The following SLC24A3 variants were observed in gnomAD, a reference collection of about 807,000 sequenced individuals.
SLC24A3 encodes sodium/potassium/calcium exchanger 3.
Under a neutral mutation model 75.8 loss-of-function variants are expected in SLC24A3, and 28 were observed. That is an observed-to-expected ratio of 0.37 (90% CI 0.27 to 0.51). The LOEUF is 0.51. SLC24A3 is among the 20% of genes least tolerant of loss of function. The pLI, the probability that SLC24A3 is intolerant of heterozygous loss-of-function variation, is 0.94. For missense variants in SLC24A3, 663 were observed against 847.8 expected (o/e 0.78, Z 2.71); for synonymous variants, 372 against 334.1 (o/e 1.11, Z -1.24).
intron 2 of SLC24A3, among the ~76,000 whole-genome samples, chr20:19,427,643 G>A (rs1047046428): frequency 1.3e-5 from 2 of 152,150 alleles, no homozygotes; most frequent in African/African-American, 2.4e-5. Context: ...TCCCACTGCC[G>A]TGCCTCTGCC....
chr20:19,362,246 A>G (rs1415206811), intron 2 of SLC24A3, among the ~76,000 whole-genome samples: 1 of 152,232 alleles, frequency 6.6e-6, no homozygotes, highest in East Asian at 1.9e-4. Flanking sequence ...GGGTGATCCC[A>G]TCAGCTTACC....
chr20:19,384,025 T>C (rs1169072275), intron 2 of SLC24A3, among the ~76,000 whole-genome samples: 3 of 152,198 alleles, frequency 2.0e-5, no homozygotes, highest in African/African-American at 7.2e-5. Context: ...TAACTTTATT[T>C]CTCTAGCTTT....
chr20:19,610,738 C>A (rs2031661143), intron 6 of SLC24A3, among the ~76,000 whole-genome samples: 1 of 152,198 alleles, frequency 6.6e-6, no homozygotes, highest in East Asian at 1.9e-4. Context: ...TGATGGGGTA[C>A]ACATACTTCA....
At chr20:19,380,218 C>T (rs937151221) in intron 2 of SLC24A3, among the ~76,000 whole-genome samples, 1 of 152,052 alleles carries the variant, frequency 6.6e-6, no homozygotes, top group Non-Finnish European at 1.5e-5. Flanking sequence ...CTACAGGAAG[C>T]GTATTGACCA....
intron 2 of SLC24A3, among the ~76,000 whole-genome samples, chr20:19,495,123 G>A (rs565282219): frequency 5.6e-4 from 85 of 152,286 alleles, no homozygotes; most frequent in African/African-American, 2.0e-3. Flanking sequence ...TTGGAGTGAG[G>A]ACTTAATCTT....
intron 3 of SLC24A3, among the ~76,000 whole-genome samples, chr20:19,559,340 T>C (rs1293025649): frequency 6.6e-6 from 1 of 152,230 alleles, no homozygotes; most frequent in African/African-American, 2.4e-5. Context: ...ACGTATTCTT[T>C]ATACATATTG....
intron 15 of SLC24A3, among the ~76,000 whole-genome samples, chr20:19,702,424 TAA>T (rs2032884661): frequency 6.6e-6 from 1 of 152,128 alleles, no homozygotes. Context: ...AGGGCCACAT[TAA>T]GTCTTGAAAT....
Position 19,588,103 on chromosome 20 carries a change from C to T in SLC24A3, c.612+2559C>T, listed in dbSNP as rs145235394. Among the ~76,000 whole-genome samples the T allele has an allele frequency of 2.5e-3, 388 of 152,254 alleles. 2 individuals carry two copies. The highest frequency in any genetic ancestry group is 8.8e-3 in the African/African-American group (367 of 41,538). ...AAGGAGATGTTCGTAGAAAAACAGT[C>T]TCAAAGGACTAGTACTTACTTCTGT... On this transcript the variant is annotated intron_variant, in intron 6 of 16. Coordinates refer to ENST00000328041, the MANE Select transcript of SLC24A3 (RefSeq NM_020689.4).
intron 3 of SLC24A3, among the ~76,000 whole-genome samples, chr20:19,559,965 G>A (rs1047503492): frequency 6.6e-6 from 1 of 152,024 alleles, no homozygotes; most frequent in Non-Finnish European, 1.5e-5. Context: ...AATTTCCGTG[G>A]TGTAAATACT....
intron 6 of SLC24A3, among the ~76,000 whole-genome samples, chr20:19,588,363 C>G (rs991072414): frequency 2.0e-5 from 3 of 152,144 alleles, no homozygotes; most frequent in Admixed American, 1.3e-4. Flanking sequence ...GGGCCTCCCT[C>G]TATGAATTTC....
At chr20:19,646,381 T>G (rs952094622) in intron 6 of SLC24A3, among the ~76,000 whole-genome samples, 3 of 152,194 alleles carry the variant, frequency 2.0e-5, no homozygotes, top group Admixed American at 1.3e-4. Flanking sequence ...TAATTTTTAT[T>G]TGTATTAAAA....
intron 2 of SLC24A3, among the ~76,000 whole-genome samples, chr20:19,339,800 T>C (rs1444180580): frequency 6.6e-6 from 1 of 152,210 alleles, no homozygotes; most frequent in Non-Finnish European, 1.5e-5. Context: ...CTAAGCATGT[T>C]TGATAAATTA....
chr20:19,227,539 ATTTAACTC>A (rs1443996873), intron 1 of SLC24A3, among the ~76,000 whole-genome samples: 2 of 152,182 alleles, frequency 1.3e-5, no homozygotes, highest in East Asian at 3.8e-4. Context: ...TTTTTAAAAA[ATTTAACTC>A]TTTACTTCAT....
chr20:19,522,980 A>G (rs1425527471), intron 3 of SLC24A3, among the ~76,000 whole-genome samples: 1 of 152,184 alleles, frequency 6.6e-6, no homozygotes, highest in African/African-American at 2.4e-5. Flanking sequence ...TTAACTATAA[A>G]AAAGGAAAGG....
chr20:19,543,967 T>C (rs1166282363), intron 3 of SLC24A3, among the ~76,000 whole-genome samples: 3 of 152,178 alleles, frequency 2.0e-5, no homozygotes, highest in Non-Finnish European at 4.4e-5. Flanking sequence ...GATTTTGCCT[T>C]TATCCCAAAC....
intron 15 of SLC24A3, among the ~76,000 whole-genome samples, chr20:19,712,882 G>A (rs898623293): frequency 7.9e-5 from 12 of 152,242 alleles, no homozygotes; most frequent in African/African-American, 2.9e-4. Context: ...AGTACACGCT[G>A]CAGGATTCCA....
At position 19,359,563 on chromosome 20, in the gene SLC24A3, T is replaced by C. The variant is rs1312761983; in HGVS notation, c.271+78476T>C. 2.0e-5 allele frequency among the ~76,000 whole-genome samples: 3 copies of C among 152,140 alleles called. No individual in the cohort carries two copies. In the East Asian group the frequency reaches 5.8e-4, roughly 29 times the overall value. ...GTCCTCAATCTGGGAAGGATGTTGA[T>C]AGAGATTGAGGCACCTCCATAGATT... On this transcript the variant is annotated intron_variant, in intron 2 of 16. Transcript: ENST00000328041.
At chr20:19,585,356 C>A in intron 5 of SLC24A3, 85 bp from the exon 6 acceptor site, 4 of 1,282,944 alleles carry the variant, frequency 3.1e-6, no homozygotes, top group South Asian at 2.6e-5. Flanking sequence ...TGAGAACAAT[C>A]TAATGCTTAT....
chr20:19,318,873 A>G (rs1215813497), intron 2 of SLC24A3, among the ~76,000 whole-genome samples: 1 of 152,116 alleles, frequency 6.6e-6, no homozygotes, highest in Non-Finnish European at 1.5e-5. Flanking sequence ...GTCTTGTTCC[A>G]TGCTGAATGG....
Sources: gnomAD v4.1 joint callset for allele counts (sites outside exome capture counted in the v4.1 genomes callset) on GRCh38, gnomAD v4.1.1 for gene constraint, MANE v1.5 for transcripts, NCBI Gene and HGNC (gene_info 2026-07-23, HGNC 2026-07-21) for gene names.